The following GNA14 variants were observed in gnomAD, a reference collection of about 807,000 sequenced individuals.
GNA14 encodes G protein subunit alpha 14, also known as guanine nucleotide-binding protein subunit alpha-14.
In GNA14, 50 loss-of-function variants were observed where a neutral mutation model predicts 42.0. That is an observed-to-expected ratio of 1.19 (90% CI 0.95 to 1.51). The LOEUF is 1.51. Among genes scored for constraint, GNA14 ranks in the 40% most tolerant of loss-of-function variants. The probability of loss-of-function intolerance (pLI) is 0.00; values close to 1 mark genes in which losing one functional copy is unlikely to be tolerated. For missense variants in GNA14, 473 were observed against 446.2 expected, an observed-to-expected ratio of 1.06 and a Z score of -0.54; for synonymous variants, 173 against 163.1, an observed-to-expected ratio of 1.06 and a Z score of -0.46.
At chr9:77,434,218 TA>T in intron 3 of GNA14, 149 bp downstream of exon 3, 1 of 667,636 alleles carries the variant, frequency 1.5e-6, no homozygotes, top group Non-Finnish European at 2.5e-6. Flanking sequence ...GAGATGGCAC[TA>T]AGAGGTCAGG....
chr9:77,583,620 C>T (rs1235008964), intron 1 of GNA14, among the ~76,000 whole-genome samples: 1 of 152,202 alleles, frequency 6.6e-6, no homozygotes, highest in African/African-American at 2.4e-5. Context: ...CCTGTGTCTA[C>T]AAGCTTGAGA....
intron 1 of GNA14, among the ~76,000 whole-genome samples, chr9:77,642,715 G>A (rs2118038513): frequency 6.6e-6 from 1 of 152,278 alleles, no homozygotes; most frequent in East Asian, 1.9e-4. Context: ...GTTGCAGTGA[G>A]CCATGATCGT....
At chr9:77,638,629 C>T (rs1192872645) in intron 1 of GNA14, among the ~76,000 whole-genome samples, 3 of 152,170 alleles carry the variant, frequency 2.0e-5, no homozygotes, top group Non-Finnish European at 4.4e-5. Context: ...GGGAGAATGA[C>T]CCTGTGTACA....
At chr9:77,617,691 C>CA (rs1823845966) in intron 1 of GNA14, among the ~76,000 whole-genome samples, 4 of 152,084 alleles carry the variant, frequency 2.6e-5, no homozygotes, top group Admixed American at 2.6e-4. Context: ...TCCTACTTCC[C>CA]AGCCATGCTG....
intron 2 of GNA14, among the ~76,000 whole-genome samples, chr9:77,482,096 T>G (rs938190557): frequency 2.0e-5 from 3 of 152,234 alleles, no homozygotes; most frequent in Admixed American, 6.5e-5. Context: ...GTCATTATGA[T>G]GTTAGTTGGT....
intron 1 of GNA14, among the ~76,000 whole-genome samples, chr9:77,565,222 A>G (rs1822948037): frequency 6.6e-6 from 1 of 152,208 alleles, no homozygotes; most frequent in Non-Finnish European, 1.5e-5. Flanking sequence ...TGTCCAGTAT[A>G]GTAGCCACCA....
Position 77,425,723 on chromosome 9 carries a change from A to G in GNA14, c.724-8T>C. The G allele has an allele frequency of 6.3e-7, 1 of 1,583,758 alleles. No homozygotes were observed. The highest frequency in any genetic ancestry group is 8.6e-7 in the Non-Finnish European group (1 of 1,166,488). ...GCTCTCTTCCATGCGATTCTAAGTG[A>G]AAAACAAGGGACTTGGGATGAAGTA... On this transcript the variant is annotated splice_polypyrimidine_tract_variant and splice_region_variant and intron_variant, in intron 5 of 6. Coordinates refer to ENST00000341700, the MANE Select transcript of GNA14 (RefSeq NM_004297.4).
At chr9:77,623,216 CAAAAAAAAAAAAAAAAAAAAAAA>C (rs34368561) in intron 1 of GNA14, among the ~76,000 whole-genome samples, 2 of 26,832 alleles carry the variant, frequency 7.5e-5, no homozygotes, top group Non-Finnish European at 1.3e-4. Flanking sequence ...GACGCTGTCT[CAAAAAAAAAAAAAAAAAAAAAAA>C]AAAAAAAAAA....
chr9:77,486,523 A>G (rs543740577), intron 2 of GNA14, among the ~76,000 whole-genome samples: 1 of 152,322 alleles, frequency 6.6e-6, no homozygotes, highest in Admixed American at 6.5e-5. Flanking sequence ...CAACTTGGCT[A>G]TTTGGTGCAA....
At chr9:77,520,336 A>G (rs1837335783) in intron 2 of GNA14, among the ~76,000 whole-genome samples, 2 of 152,204 alleles carry the variant, frequency 1.3e-5, no homozygotes, top group African/African-American at 4.8e-5. Flanking sequence ...CAGAAAATGC[A>G]ATTCTGAAAG....
chr9:77,499,623 G>A (rs192209012), intron 2 of GNA14, among the ~76,000 whole-genome samples: 11 of 152,222 alleles, frequency 7.2e-5, no homozygotes, highest in Admixed American at 5.2e-4. Flanking sequence ...GGCTGAGGGG[G>A]GTGGATCAGC....
chr9:77,556,720 T>C (rs1401816644), intron 1 of GNA14, among the ~76,000 whole-genome samples: 1 of 152,146 alleles, frequency 6.6e-6, no homozygotes, highest in Non-Finnish European at 1.5e-5. Context: ...CACTCACTAA[T>C]GTGCCCTACC....
At chr9:77,453,740 A>T (rs1421690569) in intron 2 of GNA14, among the ~76,000 whole-genome samples, 2 of 152,224 alleles carry the variant, frequency 1.3e-5, no homozygotes, top group African/African-American at 4.8e-5. Context: ...GAGCAATCAT[A>T]AGCCTGCAGC....
intron 2 of GNA14, among the ~76,000 whole-genome samples, chr9:77,457,723 C>T (rs965176662): frequency 2.6e-5 from 4 of 152,168 alleles, no homozygotes; most frequent in Non-Finnish European, 5.9e-5. Flanking sequence ...CGCCGCCCAG[C>T]CTGCTACTCT....
At chr9:77,498,034 C>A (rs1160457736) in intron 2 of GNA14, among the ~76,000 whole-genome samples, 2 of 152,194 alleles carry the variant, frequency 1.3e-5, no homozygotes, top group Admixed American at 1.3e-4. Flanking sequence ...TGCAAATTAA[C>A]TGACCTCTTT....
intron 2 of GNA14, among the ~76,000 whole-genome samples, chr9:77,458,284 C>T (rs1016788547): frequency 2.5e-5 from 3 of 122,208 alleles, no homozygotes; most frequent in African/African-American, 9.0e-5. Flanking sequence ...GGCCCAAGTG[C>T]ACAGCTTTGA....
chr9:77,465,239 T>G (rs1008730000), intron 2 of GNA14, among the ~76,000 whole-genome samples: 3 of 152,226 alleles, frequency 2.0e-5, no homozygotes, highest in African/African-American at 7.2e-5. Context: ...ATTTGCCTAT[T>G]CTGGATGTTT....
chr9:77,433,819 GA>G (rs1370926664), intron 3 of GNA14, among the ~76,000 whole-genome samples: 2 of 152,186 alleles, frequency 1.3e-5, no homozygotes, highest in East Asian at 3.8e-4. Flanking sequence ...ACAAAGGATT[GA>G]GCTTCCTGTG....
At chr9:77,509,938 T>C (rs1292844919) in intron 2 of GNA14, among the ~76,000 whole-genome samples, 3 of 152,174 alleles carry the variant, frequency 2.0e-5, no homozygotes, top group Non-Finnish European at 2.9e-5. Context: ...CACTACGTAG[T>C]AGTCTTTGTT....
Sources: gnomAD v4.1 joint callset for allele counts (sites outside exome capture counted in the v4.1 genomes callset) on GRCh38, gnomAD v4.1.1 for gene constraint, MANE v1.5 for transcripts, NCBI Gene and HGNC (gene_info 2026-07-23, HGNC 2026-07-21) for gene names.